The following GRIA4 variants were observed in gnomAD, a reference collection of about 807,000 sequenced individuals.
GRIA4 encodes the protein glutamate ionotropic receptor AMPA type subunit 4, also known as glutamate receptor 4.
Under a neutral mutation model 104.0 loss-of-function variants are expected in GRIA4, and 34 were observed. That is an observed-to-expected ratio of 0.33 (90% CI 0.25 to 0.44). GRIA4 has a LOEUF of 0.44. Ranked by LOEUF, GRIA4 falls within the 20% of genes least tolerant of loss-of-function variation. The probability of loss-of-function intolerance (pLI) is 1.00; values close to 1 mark genes in which losing one functional copy is unlikely to be tolerated. For missense variants in GRIA4, 750 were observed against 1,096.5 expected (o/e 0.68, Z 4.46); for synonymous variants, 386 against 381.9 (o/e 1.01, Z -0.13).
At chr11:105,757,334 T>C (rs1565522022) in intron 4 of GRIA4, among the ~76,000 whole-genome samples, 1 of 152,000 alleles carries the variant, frequency 6.6e-6, no homozygotes, top group Non-Finnish European at 1.5e-5. Flanking sequence ...GAGTAAAGGA[T>C]TCGAGGGCAG....
At chr11:105,909,574 C>T (rs1054444373) in intron 9 of GRIA4, among the ~76,000 whole-genome samples, 1 of 152,118 alleles carries the variant, frequency 6.6e-6, no homozygotes, top group South Asian at 2.1e-4. Context: ...ATAACTGCCC[C>T]TACTCCATAC....
chr11:105,748,586 T>C (rs1452566043), intron 3 of GRIA4, among the ~76,000 whole-genome samples: 5 of 152,230 alleles, frequency 3.3e-5, no homozygotes, highest in African/African-American at 7.2e-5. Context: ...GTTTTCACCA[T>C]GTTGGCCAGG....
chr11:105,744,693 C>T (rs117388375), intron 3 of GRIA4, among the ~76,000 whole-genome samples: 3,493 of 152,252 alleles, frequency 0.023, 60 homozygotes, highest in Middle Eastern at 0.068. Context: ...CCTTTAGCTT[C>T]TGTTACCTTA....
At position 105,960,818 on chromosome 11, in the gene GRIA4, T is replaced by G. The variant is rs546140267; in HGVS notation, c.2295-11096T>G. Reference sequence around the variant, plus strand: ...ACAGTTCCATGGGAAAAAGCACAGTTTCCCCGGATGGGTAGCGTACTCACT... The same window carrying G: ...ACAGTTCCATGGGAAAAAGCACAGTGTCCCCGGATGGGTAGCGTACTCACT... On this transcript the variant is annotated intron_variant, in intron 14 of 16. Transcript: ENST00000282499. 1.4e-4 allele frequency among the ~76,000 whole-genome samples: 21 copies of G among 152,318 alleles called. No homozygotes were observed. In the East Asian group the frequency reaches 1.9e-3, roughly 14 times the overall value.
chr11:105,934,343 C>T (rs1245777243), intron 14 of GRIA4, among the ~76,000 whole-genome samples: 1 of 151,976 alleles, frequency 6.6e-6, no homozygotes. Context: ...TTTAATTATG[C>T]CTGGCCACTA....
chr11:105,956,202 G>C (rs1948585720), intron 14 of GRIA4, among the ~76,000 whole-genome samples: 1 of 151,924 alleles, frequency 6.6e-6, no homozygotes, highest in South Asian at 2.1e-4. Flanking sequence ...TTAGTGTGTT[G>C]CACCCATCAA....
chr11:105,763,566 T>C (rs1272093497), intron 4 of GRIA4, among the ~76,000 whole-genome samples: 2 of 152,184 alleles, frequency 1.3e-5, no homozygotes, highest in African/African-American at 4.8e-5. Context: ...AAGATTTTAC[T>C]ATCTAAAGAC....
chr11:105,949,849 G>A (rs529325254), intron 14 of GRIA4, among the ~76,000 whole-genome samples: 12 of 152,146 alleles, frequency 7.9e-5, no homozygotes, highest in Non-Finnish European at 1.2e-4. Flanking sequence ...TCAGCTTGGA[G>A]GATTAGTTTG....
chr11:105,957,171 C>T (rs919331757), intron 14 of GRIA4, among the ~76,000 whole-genome samples: 8 of 152,104 alleles, frequency 5.3e-5, no homozygotes, highest in African/African-American at 7.2e-5. Flanking sequence ...GTTTTAGTCA[C>T]AAAGTCCTTG....
At chr11:105,930,388 T>A (rs1051273194) in intron 13 of GRIA4, among the ~76,000 whole-genome samples, 5 of 152,104 alleles carry the variant, frequency 3.3e-5, no homozygotes, top group Non-Finnish European at 5.9e-5. Flanking sequence ...TTATCTGTAT[T>A]TTTTCATTTC....
chr11:105,688,951 C>CT (rs1952990455), intron 3 of GRIA4, among the ~76,000 whole-genome samples: 1 of 151,200 alleles, frequency 6.6e-6, no homozygotes, highest in South Asian at 2.1e-4. Context: ...AAGTTGACAC[C>CT]TAAAAAAAAA....
intron 5 of GRIA4, among the ~76,000 whole-genome samples, chr11:105,868,804 A>G (rs1362409527): frequency 2.0e-5 from 3 of 152,168 alleles, no homozygotes; most frequent in Non-Finnish European, 2.9e-5. Context: ...CAGTACTGGC[A>G]GAGCTTGCTG....
At chr11:105,819,222 G>C (rs565609166) in intron 4 of GRIA4, among the ~76,000 whole-genome samples, 1 of 152,266 alleles carries the variant, frequency 6.6e-6, no homozygotes, top group South Asian at 2.1e-4. Context: ...ATACAGGGAA[G>C]AATCTCAGAA....
intron 4 of GRIA4, among the ~76,000 whole-genome samples, chr11:105,782,717 G>T (rs965856564): frequency 5.3e-5 from 8 of 152,112 alleles, no homozygotes; most frequent in Non-Finnish European, 8.8e-5. Context: ...ATTTTTGTGT[G>T]CCTCTCAGAT....
intron 10 of GRIA4, 22 bp downstream of exon 10, chr11:105,910,567 A>G: frequency 8.0e-7 from 1 of 1,246,294 alleles, no homozygotes; most frequent in South Asian, 1.2e-5. Flanking sequence ...TCTATGCTTT[A>G]TGGTGTTCCG....
At chr11:105,722,759 A>G (rs1937912140) in intron 3 of GRIA4, among the ~76,000 whole-genome samples, 1 of 152,060 alleles carries the variant, frequency 6.6e-6, no homozygotes, top group Non-Finnish European at 1.5e-5. Flanking sequence ...TTTTATTAAG[A>G]TGTAAATATA....
intron 6 of GRIA4, among the ~76,000 whole-genome samples, chr11:105,896,246 A>G (rs547371253): frequency 6.6e-6 from 1 of 152,098 alleles, no homozygotes; most frequent in South Asian, 2.1e-4. Flanking sequence ...GTATCTGTTC[A>G]TGTCCTTTGC....
chr11:105,811,928 G>A (rs1417514284), intron 4 of GRIA4, among the ~76,000 whole-genome samples: 1 of 152,100 alleles, frequency 6.6e-6, no homozygotes, highest in African/African-American at 2.4e-5. Context: ...CATTTGATCT[G>A]TTCCTACCCC....
intron 4 of GRIA4, among the ~76,000 whole-genome samples, chr11:105,762,337 T>C: frequency 6.6e-6 from 1 of 152,194 alleles, no homozygotes; most frequent in South Asian, 2.1e-4. Flanking sequence ...GAAGTCTTAA[T>C]AGTTAAACTA....
Sources: gnomAD v4.1 joint callset for allele counts (sites outside exome capture counted in the v4.1 genomes callset) on GRCh38, gnomAD v4.1.1 for gene constraint, MANE v1.5 for transcripts, NCBI Gene and HGNC (gene_info 2026-07-23, HGNC 2026-07-21) for gene names.